Variants in TOR3A observed in about 807,000 individuals in gnomAD.
TOR3A encodes torsin-3A.
In TOR3A, 44 loss-of-function variants were observed where a neutral mutation model predicts 42.1. The ratio of observed to expected loss-of-function variants is 1.04; its 90% CI spans 0.82 to 1.34. The LOEUF (loss-of-function observed/expected upper bound fraction) is 1.34. Among genes scored for constraint, TOR3A ranks in the 40% most tolerant of loss-of-function variants. The pLI, the probability that TOR3A is intolerant of heterozygous loss-of-function variation, is 0.00. For missense variants in TOR3A, 521 were observed against 507.6 expected (o/e 1.03, Z -0.25); for synonymous variants, 227 against 213.2 (o/e 1.06, Z -0.57).
chr1:179,082,680 GC>G, intron 1 of TOR3A: 1 of 701,934 alleles, frequency 1.4e-6, no homozygotes, highest in Non-Finnish European at 2.6e-6. Flanking sequence ...CCATCTCCCA[GC>G]CCACCCTGGC....
Position 179,087,894 on chromosome 1 carries a change from C to T in TOR3A, c.640-17C>T. The T allele has an allele frequency of 6.4e-7, 1 of 1,551,094 alleles. No individual in the cohort carries two copies. Among genetic ancestry groups the T allele is most frequent in the Non-Finnish European group, 8.7e-7 (1 of 1,150,702 alleles). On this transcript the variant is annotated splice_polypyrimidine_tract_variant and intron_variant, in intron 3 of 5. Coordinates refer to ENST00000367627, the MANE Select transcript of TOR3A (RefSeq NM_022371.4). ...AGGAGTCACCACTTCCCCAGCTGCT[C>T]CCTATATCCCGTGCAGGAGCAGCTG...
At position 179,095,968 on chromosome 1, in the gene TOR3A, T is replaced by C. The variant is rs1652733293; in HGVS notation, c.*750T>C. The C allele has an allele frequency of 1.0e-6, 1 of 985,194 alleles. No individual in the cohort carries two copies. The allele number at this position is 985,194 out of a possible 1,614,324, so 61.0% of individuals were successfully genotyped here. On this transcript the variant is annotated 3_prime_UTR_variant, in exon 6 of 6. Coordinates refer to ENST00000367627, the MANE Select transcript of TOR3A (RefSeq NM_022371.4). ...ACATGTTTGTTGTATGTAAAGATGA[T>C]AAGATTAAAATTTTTGATTTTCCTA... is the stretch of plus-strand genomic sequence containing the variant.
chr1:179,087,935 G>A lies in TOR3A; in HGVS notation c.664G>A (p.Glu222Lys). 1 of 1,600,440 alleles carries A rather than the reference G, an allele frequency of 6.2e-7. No individual in the cohort carries two copies. Among genetic ancestry groups the A allele is most frequent in the South Asian group, 1.1e-5 (1 of 89,264 alleles). Residue 222 changes from glutamate to lysine, a missense_variant, in exon 4 of 6, where the codon GAG becomes AAG. Physicochemically the swap from Glu to Lys is moderately conservative, Grantham distance 56. Coordinates refer to ENST00000367627, the MANE Select transcript of TOR3A (RefSeq NM_022371.4). ...YKEQLMSQIR[E>K]TQQLCHQTLF... ...GGAGCAGCTGATGAGCCAGATCCGGGAGACGCAGCAGCTCTGCCACCAGAC... is the reference window on the plus strand; with the variant it reads ...GGAGCAGCTGATGAGCCAGATCCGGAAGACGCAGCAGCTCTGCCACCAGAC...
At chr1:179,084,933 T>C (rs1185865439) in intron 2 of TOR3A, among the ~76,000 whole-genome samples, 2 of 152,188 alleles carry the variant, frequency 1.3e-5, no homozygotes, top group African/African-American at 4.8e-5. Flanking sequence ...TTGGCTGAAT[T>C]GAATGAGAAT....
intron 1 of TOR3A, chr1:179,082,685 C>G (rs751461726): frequency 2.1e-5 from 15 of 704,452 alleles, no homozygotes; most frequent in Non-Finnish European, 3.6e-5. Context: ...TCCCAGCCCA[C>G]CCTGGCGTTA....
rs531814253 is a variant in TOR3A at position 179,085,164 on chromosome 1, C to T, written c.374-464C>T. Among the ~76,000 whole-genome samples, 8 of 152,304 alleles carry T rather than the reference C, an allele frequency of 5.3e-5. No homozygotes were observed. In the East Asian group the frequency reaches 9.7e-4, roughly 18 times the overall value. On this transcript the variant is annotated intron_variant, in intron 2 of 5. Coordinates refer to ENST00000367627, the MANE Select transcript of TOR3A (RefSeq NM_022371.4). ...CCTTGAGGCTGGGCGCAATGGCTCA[C>T]GCCTGTAATCCCAGCACTTTGGGAG...
chr1:179,095,161 C>G lies in TOR3A; in HGVS notation c.1137C>G (p.Leu379=). The change falls in exon 6 of 6, where the codon CTC becomes CTG. Residue 379 remains leucine, a synonymous_variant. Coordinates refer to ENST00000367627, the MANE Select transcript of TOR3A (RefSeq NM_022371.4). The part of the protein sequence containing the change: ...MMVYVPKEEQ[L]FSSQGCKSIS... ...TGTATGTCCCCAAGGAGGAACAACT[C>G]TTTTCTTCCCAGGGCTGCAAGTCTA... 3.1e-6 allele frequency: 5 copies of G among 1,614,168 alleles called. No homozygotes were observed. Among genetic ancestry groups the G allele is most frequent in the Non-Finnish European group, 4.2e-6 (5 of 1,180,030 alleles).
At position 179,095,409 on chromosome 1, in the gene TOR3A, T is replaced by G; in HGVS notation, c.*191T>G. On this transcript the variant is annotated 3_prime_UTR_variant, in exon 6 of 6. Coordinates refer to ENST00000367627, the MANE Select transcript of TOR3A (RefSeq NM_022371.4). ...AAGCCAAGCCAATCCTTTTTCTTTT[T>G]TTTGGAGGTCCCACCGAGATAGATA... 1 of 1,431,940 alleles carries G rather than the reference T, an allele frequency of 7.0e-7. No individual in the cohort carries two copies. The highest frequency in any genetic ancestry group is 1.6e-5 in the South Asian group (1 of 63,170). 88.7% of individuals were successfully genotyped at this position (1,431,940 alleles called of 1,614,324 possible). A position where few individuals can be genotyped will look rare whatever the true frequency, so the allele number is the denominator to read the frequency against.
At position 179,082,098 on chromosome 1, in the gene TOR3A, A is replaced by C; in HGVS notation, c.-31A>C. On this transcript the variant is annotated 5_prime_UTR_variant, in exon 1 of 6. Transcript: ENST00000367627. Reference sequence around the variant, plus strand: ...CTTAAGGGAGCCTGGCTAGGCCGGCAGCCGGATGGTCCCGCAGCTCGGGGC... The same window carrying C: ...CTTAAGGGAGCCTGGCTAGGCCGGCCGCCGGATGGTCCCGCAGCTCGGGGC... The C allele has an allele frequency of 7.0e-7, 1 of 1,438,288 alleles. No homozygotes were observed. Among genetic ancestry groups the C allele is most frequent in the East Asian group, 2.8e-5 (1 of 35,400 alleles). The allele number at this position is 1,438,288 out of a possible 1,614,324, so 89.1% of individuals were successfully genotyped here.
In TOR3A at chr1:179,085,677, G is replaced by C; in HGVS notation, c.423G>C (p.Gln141His). Residue 141 changes from glutamine (Q) to histidine (H), a missense_variant, in exon 3 of 6, where the codon CAG becomes CAC. Physicochemically the swap from Gln to His is conservative, Grantham distance 24. Coordinates refer to ENST00000367627, the MANE Select transcript of TOR3A (RefSeq NM_022371.4). ...GGCTGCATGGCCAGCATTTGGTCCA[G>C]CAGCTGGTCCTAAGAACAGTGAGGG... is the stretch of plus-strand genomic sequence containing the variant. ...NVRLHGQHLVQQLVLRTVRGY... is the reference protein window; with the variant it reads ...NVRLHGQHLVHQLVLRTVRGY... The C allele has an allele frequency of 6.2e-7, 1 of 1,614,222 alleles. No individual in the cohort carries two copies. The highest frequency in any genetic ancestry group is 8.5e-7 in the Non-Finnish European group (1 of 1,180,050).
rs1186777930 is a variant in TOR3A at position 179,094,082 on chromosome 1, G to A, written c.819-11G>A. On this transcript the variant is annotated splice_polypyrimidine_tract_variant and intron_variant, in intron 4 of 5. Transcript: ENST00000367627. ...TAAACAAATGGGTTAACAAGCTCTT[G>A]TCTCTTTCAGTAATCTCAGGGGCGA... 2 of 1,610,696 alleles carry A rather than the reference G, an allele frequency of 1.2e-6. No homozygotes were observed. The highest frequency in any genetic ancestry group is 1.7e-6 in the Non-Finnish European group (2 of 1,178,808).
At chr1:179,092,195 G>A (rs1205808854) in intron 4 of TOR3A, among the ~76,000 whole-genome samples, 1 of 152,238 alleles carries the variant, frequency 6.6e-6, no homozygotes, top group African/African-American at 2.4e-5. Context: ...TGGAGGCAGG[G>A]AGGGAGAGAA....
intron 5 of TOR3A, among the ~76,000 whole-genome samples, chr1:179,094,756 G>C (rs1174809881): frequency 3.3e-5 from 5 of 152,168 alleles, no homozygotes; most frequent in African/African-American, 1.2e-4. Context: ...CTGTACGCCT[G>C]TGGTCCCAGT....
chr1:179,082,676 C>T, intron 1 of TOR3A: 1 of 703,534 alleles, frequency 1.4e-6, no homozygotes, highest in South Asian at 1.5e-5. Context: ...TGTGCCATCT[C>T]CCAGCCCACC....
chr1:179,085,187 G>A (rs1652395494), intron 2 of TOR3A, among the ~76,000 whole-genome samples: 1 of 152,226 alleles, frequency 6.6e-6, no homozygotes, highest in African/African-American at 2.4e-5. Context: ...AGCACTTTGG[G>A]AGGCCGAGGT....
chr1:179,082,742 C>T, intron 1 of TOR3A, 198 bp from the exon 2 acceptor site: 1 of 704,414 alleles, frequency 1.4e-6, no homozygotes, highest in South Asian at 1.5e-5. Context: ...CCGCTGTGGA[C>T]ATGCCTGGTG....
chr1:179,093,440 G>A (rs368809389), intron 4 of TOR3A, among the ~76,000 whole-genome samples: 8 of 152,294 alleles, frequency 5.3e-5, no homozygotes, highest in African/African-American at 1.9e-4. Context: ...GCTAACGCTT[G>A]TTCTTTGATG....
At chr1:179,090,063 T>G (rs1236467275) in intron 4 of TOR3A, among the ~76,000 whole-genome samples, 1 of 122,572 alleles carries the variant, frequency 8.2e-6, no homozygotes, top group Non-Finnish European at 1.6e-5. Flanking sequence ...TTTCCCCCAG[T>G]GACCCAGCCT....
rs1652313284 is a variant in TOR3A at position 179,082,384 on chromosome 1, CT to C, written c.257del (p.Leu86ArgfsTer16). On this transcript the variant is annotated frameshift_variant and splice_region_variant, in exon 1 of 6. Coordinates refer to ENST00000367627, the MANE Select transcript of TOR3A (RefSeq NM_022371.4). LOFTEE classifies it high-confidence loss of function. The part of the protein sequence containing the change: ...DEDEEAATGP[L>X]GWRLPLLGQR... ...GGACGAGGAGGCAGCCACGGGGCCC[CT>C]GGGTAAGACCCCGTCCCCACGGTCC... is the stretch of plus-strand genomic sequence containing the variant. 6 of 1,602,066 alleles carry C rather than the reference CT, an allele frequency of 3.7e-6. No individual in the cohort carries two copies. In the East Asian group the frequency reaches 1.4e-4, roughly 36 times the overall value.
Sources: gnomAD v4.1 joint callset for allele counts (sites outside exome capture counted in the v4.1 genomes callset) on GRCh38, gnomAD v4.1.1 for gene constraint, MANE v1.5 for transcripts, NCBI Gene and HGNC (gene_info 2026-07-23, HGNC 2026-07-21) for gene names.